Variants in ZYG11A observed in about 807,000 individuals in gnomAD.
ZYG11A encodes the protein zyg-11 family member A, cell cycle regulator.
ZYG11A carries 62 observed loss-of-function variants against 77.2 expected under a neutral mutation model. The ratio of observed to expected loss-of-function variants is 0.80; its 90% CI spans 0.65 to 0.99. The LOEUF (loss-of-function observed/expected upper bound fraction) is 0.99, where lower values mean the gene tolerates loss of function less well. Ranked by LOEUF, ZYG11A falls within the 50% of genes least tolerant of loss-of-function variation. The probability of loss-of-function intolerance (pLI) is 0.00; values close to 1 mark genes in which losing one functional copy is unlikely to be tolerated. For missense variants in ZYG11A, 828 were observed against 896.8 expected, an observed-to-expected ratio of 0.92 and a Z score of 0.98; for synonymous variants, 315 against 324.6, an observed-to-expected ratio of 0.97 and a Z score of 0.32.
chr1:52,893,050 G>A lies in ZYG11A; in HGVS notation c.*93G>A. The A allele has an allele frequency of 8.6e-7, 1 of 1,162,472 alleles. No homozygotes were observed. The highest frequency in any genetic ancestry group is 1.2e-6 in the Non-Finnish European group (1 of 836,422). The allele number at this position is 1,162,472 out of a possible 1,614,324, so 72.0% of individuals were successfully genotyped here. A position where few individuals can be genotyped will look rare whatever the true frequency, so the allele number is the denominator to read the frequency against. On this transcript the variant is annotated 3_prime_UTR_variant, in exon 14 of 14. Coordinates refer to ENST00000371528, the MANE Select transcript of ZYG11A (RefSeq NM_001004339.3). ...CATCAGTTGTCATTGGAGTTTGTGA[G>A]TTGGCTGTCTCATTGGCCTTTGATT...
chr1:52,856,904 A>ATTATTAACATCTGTCTT, intron 2 of ZYG11A, 94 bp from the exon 3 acceptor site: 3 of 1,293,422 alleles, frequency 2.3e-6, no homozygotes, highest in Non-Finnish European at 3.1e-6. Flanking sequence ...CATTATTGTT[A>ATTATTAACATCTGTCTT]TTATTAACAT....
chr1:52,846,310 T>TA (rs1645577708), intron 1 of ZYG11A, among the ~76,000 whole-genome samples: 5 of 35,798 alleles, frequency 1.4e-4, no homozygotes, highest in Admixed American at 2.8e-4. Flanking sequence ...TTTTAAATTT[T>TA]TATATATATA....
intron 11 of ZYG11A, among the ~76,000 whole-genome samples, chr1:52,884,894 C>A (rs1217512501): frequency 1.3e-5 from 2 of 151,662 alleles, no homozygotes; most frequent in African/African-American, 4.8e-5. Context: ...TTCCTATTTT[C>A]TTTTTCTTTC....
In ZYG11A at chr1:52,876,950, T is replaced by C. The variant is rs530690873; in HGVS notation, c.1543-732T>C. Reference sequence around the variant, plus strand: ...TAGCTTGACTTCTTTCTAGAAATGTTGATCTCAAATGGTACTTTGCAGTCT... The same window carrying C: ...TAGCTTGACTTCTTTCTAGAAATGTCGATCTCAAATGGTACTTTGCAGTCT... On this transcript the variant is annotated intron_variant, in intron 8 of 13. Transcript: ENST00000371528. 2.0e-5 allele frequency among the ~76,000 whole-genome samples: 3 copies of C among 152,282 alleles called. No homozygotes were observed. The South Asian group carries it at 6.2e-4, about 32-fold the overall frequency.
At chr1:52,869,908 G>A (rs1046194575) in intron 8 of ZYG11A, among the ~76,000 whole-genome samples, 1 of 147,566 alleles carries the variant, frequency 6.8e-6, no homozygotes, top group African/African-American at 2.5e-5. Flanking sequence ...CGGGCAGGGG[G>A]CTGACCCCCC....
At chr1:52,870,403 C>CA (rs1489260908) in intron 8 of ZYG11A, among the ~76,000 whole-genome samples, 3 of 151,506 alleles carry the variant, frequency 2.0e-5, no homozygotes, top group Non-Finnish European at 4.4e-5. Context: ...AGGGGCTCCT[C>CA]ACATCCCAGA....
At chr1:52,872,882 C>CAA (rs59422649) in intron 8 of ZYG11A, among the ~76,000 whole-genome samples, 5 of 112,168 alleles carry the variant, frequency 4.5e-5, no homozygotes, top group Non-Finnish European at 6.9e-5. Context: ...GACTCTGTCT[C>CAA]AAAAAAAAAA....
intron 13 of ZYG11A, among the ~76,000 whole-genome samples, chr1:52,887,425 C>CTATA (rs1297687474): frequency 1.3e-5 from 2 of 152,038 alleles, no homozygotes; most frequent in African/African-American, 4.8e-5. Context: ...GCATGCTGTC[C>CTATA]TATAGCTTGG....
chr1:52,842,962 T>TGCGTGGTACAGGTGAGCA lies in ZYG11A; in HGVS notation c.80_90+7dup, dbSNP rs1645477914. On this transcript the variant is annotated inframe_insertion, in exon 1 of 14. Coordinates refer to ENST00000371528, the MANE Select transcript of ZYG11A (RefSeq NM_001004339.3). Reference sequence around the variant, plus strand: ...CGCTCAGAAGGATGCCCTGGGCTGCTGCGTGGTACAGGTGAGCACCGGGGT... The same window carrying TGCGTGGTACAGGTGAGCA: ...CGCTCAGAAGGATGCCCTGGGCTGCTGCGTGGTACAGGTGAGCAGCGTGGTACAGGTGAGCACCGGGGT... 1 of 1,528,908 alleles carries TGCGTGGTACAGGTGAGCA rather than the reference T, an allele frequency of 6.5e-7. No individual in the cohort carries two copies. Among genetic ancestry groups the TGCGTGGTACAGGTGAGCA allele is most frequent in the African/African-American group, 1.4e-5 (1 of 70,176 alleles). 94.7% of individuals were successfully genotyped at this position (1,528,908 alleles called of 1,614,324 possible). A position where few individuals can be genotyped will look rare whatever the true frequency, so the allele number is the denominator to read the frequency against.
chr1:52,871,946 G>A (rs1370874745), intron 8 of ZYG11A, among the ~76,000 whole-genome samples: 3 of 152,166 alleles, frequency 2.0e-5, no homozygotes, highest in Admixed American at 6.5e-5. Context: ...TCAAGTGTTT[G>A]TCATTTGCAT....
Position 52,893,560 on chromosome 1 carries a change from T to C in ZYG11A, c.*603T>C, listed in dbSNP as rs1419311110. On this transcript the variant is annotated 3_prime_UTR_variant, in exon 14 of 14. Transcript: ENST00000371528. ...CAGGTGGATTGTCTGAACTCAGGAG[T>C]TCGAGATCAGCCTTGCCAACGTGGT... 6.6e-6 allele frequency: 1 copy of C among 152,054 alleles called. No homozygotes were observed. Among genetic ancestry groups the C allele is most frequent in the Non-Finnish European group, 1.5e-5 (1 of 68,134 alleles). The allele number at this position is 152,054 out of a possible 1,614,324, so 9.4% of individuals were successfully genotyped here. A position where few individuals can be genotyped will look rare whatever the true frequency, so the allele number is the denominator to read the frequency against.
At chr1:52,878,681 G>T (rs550533832) in intron 10 of ZYG11A, among the ~76,000 whole-genome samples, 39 of 152,154 alleles carry the variant, frequency 2.6e-4, no homozygotes, top group Admixed American at 2.0e-3. Flanking sequence ...GTTCATGCCT[G>T]TAATCCCAGC....
At chr1:52,868,080 C>T (rs1646062756) in intron 8 of ZYG11A, among the ~76,000 whole-genome samples, 1 of 151,364 alleles carries the variant, frequency 6.6e-6, no homozygotes, top group Non-Finnish European at 1.5e-5. Flanking sequence ...GATCCCCTGC[C>T]TCAGCCTTCT....
At chr1:52,852,248 C>T (rs898899613) in intron 1 of ZYG11A, among the ~76,000 whole-genome samples, 18 of 150,588 alleles carry the variant, frequency 1.2e-4, no homozygotes, top group South Asian at 8.5e-4. Flanking sequence ...GGGGTTTCAC[C>T]GTGTTGGCCA....
At chr1:52,874,587 C>A (rs1384350161) in intron 8 of ZYG11A, among the ~76,000 whole-genome samples, 1 of 152,094 alleles carries the variant, frequency 6.6e-6, no homozygotes, top group Non-Finnish European at 1.5e-5. Context: ...CTACATTGGG[C>A]CGGGTGTGGT....
intron 5 of ZYG11A, among the ~76,000 whole-genome samples, chr1:52,865,984 C>T (rs1278614706): frequency 1.5e-5 from 2 of 135,646 alleles, no homozygotes; most frequent in African/African-American, 5.7e-5. Flanking sequence ...GTCGCCCAGG[C>T]TGGAGTGCAG....
chr1:52,843,024 T>A, intron 1 of ZYG11A, 51 bp downstream of exon 1: 1 of 1,451,818 alleles, frequency 6.9e-7, no homozygotes, highest in South Asian at 1.3e-5. Flanking sequence ...CACGTCCAGC[T>A]CCGGCGAGCG....
At chr1:52,885,266 A>G (rs1646428900) in intron 11 of ZYG11A, among the ~76,000 whole-genome samples, 3 of 151,426 alleles carry the variant, frequency 2.0e-5, no homozygotes, top group Admixed American at 2.0e-4. Context: ...CTCACGTGCC[A>G]AATTTTTAAG....
chr1:52,847,985 C>G (rs1645631083), intron 1 of ZYG11A, among the ~76,000 whole-genome samples: 1 of 151,968 alleles, frequency 6.6e-6, no homozygotes, highest in Admixed American at 6.6e-5. Context: ...TTCTCCTGCC[C>G]CAGCCTCCTA....
Sources: gnomAD v4.1 joint callset for allele counts (sites outside exome capture counted in the v4.1 genomes callset) on GRCh38, gnomAD v4.1.1 for gene constraint, MANE v1.5 for transcripts, NCBI Gene and HGNC (gene_info 2026-07-23, HGNC 2026-07-21) for gene names.